SLC30A9: variants seen among roughly 807,000 people sequenced by gnomAD.
SLC30A9 encodes solute carrier family 30 member 9.
A neutral mutation model predicts 87.5 loss-of-function variants in SLC30A9; 58 were observed. That is an observed-to-expected ratio of 0.66 (90% CI 0.54 to 0.82). SLC30A9 has a LOEUF of 0.82. Among genes scored for constraint, SLC30A9 ranks in the 40% least tolerant of loss-of-function variants. The pLI, the probability that SLC30A9 is intolerant of heterozygous loss-of-function variation, is 0.00. For missense variants in SLC30A9, 557 were observed against 679.1 expected (o/e 0.82, Z 2.00); for synonymous variants, 234 against 233.0 (o/e 1.00, Z -0.04).
chr4:42,084,518 C>T (rs1170388088), intron 17 of SLC30A9, among the ~76,000 whole-genome samples: 2 of 151,962 alleles, frequency 1.3e-5, no homozygotes, highest in Non-Finnish European at 2.9e-5. Context: ...TGTCGCCAGG[C>T]TGGAGTGCAG....
At chr4:42,018,962 G>A (rs2581421) in intron 3 of SLC30A9, among the ~76,000 whole-genome samples, 98,025 of 151,126 alleles carry the variant, frequency 0.65, 35,893 homozygotes, top group East Asian at 0.96. Context: ...TTTAAAAGGC[G>A]GTTTAGAGAC....
intron 2 of SLC30A9, among the ~76,000 whole-genome samples, chr4:42,015,589 C>T (rs986756599): frequency 6.6e-6 from 1 of 152,146 alleles, no homozygotes; most frequent in Non-Finnish European, 1.5e-5. Flanking sequence ...ACCCCATCTG[C>T]TCAAGGACTT....
intron 16 of SLC30A9, among the ~76,000 whole-genome samples, chr4:42,076,821 G>T (rs938643491): frequency 2.0e-5 from 3 of 152,090 alleles, no homozygotes; most frequent in Non-Finnish European, 4.4e-5. Flanking sequence ...AATTAGCTGG[G>T]TGTGGTGGTG....
At chr4:42,035,920 T>C (rs528860157) in intron 7 of SLC30A9, among the ~76,000 whole-genome samples, 56 of 152,330 alleles carry the variant, frequency 3.7e-4, no homozygotes, top group African/African-American at 1.3e-3. Flanking sequence ...ATATCCGTCA[T>C]ACACACTCTT....
rs1577722983 is a variant in SLC30A9, at chr4:42,074,728, GC to G, written c.1419-927del. Among the ~76,000 whole-genome samples the G allele has an allele frequency of 2.6e-5, 4 of 152,070 alleles. No individual in the cohort carries two copies. The East Asian group carries it at 7.7e-4, about 29-fold the overall frequency. On this transcript the variant is annotated intron_variant, in intron 15 of 17. Transcript: ENST00000264451. The stretch of plus-strand genomic sequence containing the variant: ...TATGAAAGCCATCCATTAAATGCCT[GC>G]CTTATAGTTCTTACTGTATTAAACA...
intron 17 of SLC30A9, among the ~76,000 whole-genome samples, chr4:42,082,802 T>G (rs543512407): frequency 6.6e-6 from 1 of 151,106 alleles, no homozygotes; most frequent in African/African-American, 2.4e-5. Context: ...GAGCCGAGAT[T>G]GTGCCACTGC....
chr4:41,997,746 A>G (rs991258286), intron 1 of SLC30A9, among the ~76,000 whole-genome samples: 2 of 152,194 alleles, frequency 1.3e-5, no homozygotes, highest in African/African-American at 4.8e-5. Context: ...TGCATTCTAT[A>G]TTATGTATTT....
intron 9 of SLC30A9, among the ~76,000 whole-genome samples, chr4:42,052,898 C>T (rs565387212): frequency 1.3e-5 from 2 of 152,282 alleles, no homozygotes; most frequent in African/African-American, 4.8e-5. Context: ...AAATTAAAAA[C>T]TTTTGCTCAT....
At chr4:42,075,044 TATATATATATATA>T (rs1718475564) in intron 15 of SLC30A9, among the ~76,000 whole-genome samples, 11 of 14,826 alleles carry the variant, frequency 7.4e-4, no homozygotes, top group Non-Finnish European at 1.0e-3. Context: ...TATATATATA[TATATATATATATA>T]TATTTTTTTT....
At chr4:42,048,629 C>T (rs1717265852) in intron 8 of SLC30A9, among the ~76,000 whole-genome samples, 1 of 152,112 alleles carries the variant, frequency 6.6e-6, no homozygotes, top group Non-Finnish European at 1.5e-5. Context: ...TAGTATGACT[C>T]TGAGACTGCT....
Position 42,086,105 on chromosome 4 carries a change from T to C in SLC30A9, c.1686T>C (p.His562=), listed in dbSNP as rs377380222. ...AGAAACGAAATCCTGAAGTTCGACA[T>C]GTAGATTTGGAGATACTGTGAGTTT... ...ELKKRNPEVR[H]VDLEIL Residue 562 remains histidine, a synonymous_variant, in exon 18 of 18, where the codon CAT becomes CAC. Transcript: ENST00000264451. The C allele has an allele frequency of 2.0e-6, 3 of 1,526,038 alleles. No homozygotes were observed. Among genetic ancestry groups the C allele is most frequent in the African/African-American group, 2.7e-5 (2 of 74,044 alleles). 94.5% of individuals were successfully genotyped at this position (1,526,038 alleles called of 1,614,324 possible).
intron 6 of SLC30A9, among the ~76,000 whole-genome samples, chr4:42,026,074 C>T (rs1716180523): frequency 6.6e-6 from 1 of 152,194 alleles, no homozygotes; most frequent in Non-Finnish European, 1.5e-5. Context: ...AAGTGATCCT[C>T]CTGCCTCAGC....
chr4:42,016,398 C>G (rs1167822394), intron 2 of SLC30A9, among the ~76,000 whole-genome samples: 1 of 152,060 alleles, frequency 6.6e-6, no homozygotes, highest in African/African-American at 2.4e-5. Flanking sequence ...AAGAACTTCA[C>G]TGTCTTGATC....
chr4:42,010,638 T>C (rs1455487544), intron 2 of SLC30A9, among the ~76,000 whole-genome samples: 2 of 152,246 alleles, frequency 1.3e-5, no homozygotes, highest in Non-Finnish European at 2.9e-5. Flanking sequence ...GTGCTTAATA[T>C]ATTGGCATTT....
At chr4:42,017,596 AT>A (rs1715777450) in intron 2 of SLC30A9, among the ~76,000 whole-genome samples, 1 of 152,100 alleles carries the variant, frequency 6.6e-6, no homozygotes, top group Admixed American at 6.5e-5. Context: ...TGGGAGGTAG[AT>A]TCAAATTTTT....
At chr4:42,006,304 A>C (rs889289181) in intron 2 of SLC30A9, among the ~76,000 whole-genome samples, 5 of 152,192 alleles carry the variant, frequency 3.3e-5, no homozygotes, top group Non-Finnish European at 7.3e-5. Flanking sequence ...ATGGTGCTGC[A>C]GGGGCACATA....
chr4:42,020,619 T>A, intron 4 of SLC30A9, 104 bp downstream of exon 4: 1 of 562,160 alleles, frequency 1.8e-6, no homozygotes, highest in Non-Finnish European at 3.0e-6. Flanking sequence ...ATGGAAAATT[T>A]GCTACTGGCT....
intron 1 of SLC30A9, among the ~76,000 whole-genome samples, chr4:42,000,411 C>T (rs1414308691): frequency 6.6e-6 from 1 of 152,022 alleles, no homozygotes; most frequent in East Asian, 1.9e-4. Context: ...TAGTAGGCAG[C>T]ATATTTTAAT....
chr4:41,995,144 C>T lies in SLC30A9; in HGVS notation c.109+4384C>T, dbSNP rs368226870. On this transcript the variant is annotated intron_variant, in intron 1 of 17. Coordinates refer to ENST00000264451, the MANE Select transcript of SLC30A9 (RefSeq NM_006345.4). ...GCATGGTGGCAGGCGCCTGTAATCCCAGCTACTTGGGAGGCTGAGGTGGGA... is the reference window on the plus strand; with the variant it reads ...GCATGGTGGCAGGCGCCTGTAATCCTAGCTACTTGGGAGGCTGAGGTGGGA... Among the ~76,000 whole-genome samples the T allele has an allele frequency of 2.3e-3, 346 of 152,222 alleles. 1 individual carries two copies. Among genetic ancestry groups the T allele is most frequent in the African/African-American group, 7.9e-3 (330 of 41,532 alleles).
Sources: allele counts gnomAD v4.1 joint callset (sites outside exome capture counted in the v4.1 genomes callset), GRCh38; gene constraint gnomAD v4.1.1; transcripts MANE v1.5; gene names NCBI Gene and HGNC (gene_info 2026-07-23, HGNC 2026-07-21).